HTR1D: variants seen among roughly 807,000 people sequenced by gnomAD.
HTR1D encodes 5-hydroxytryptamine receptor 1D, also known as 5-HT-1D.
A neutral mutation model predicts 21.1 loss-of-function variants in HTR1D; 18 were observed. That is an observed-to-expected ratio of 0.85 (90% CI 0.59 to 1.27). HTR1D has a LOEUF of 1.27. HTR1D is among the 50% of genes most tolerant of loss of function. HTR1D has a pLI of 0.00. For synonymous variants in HTR1D, 196 were observed against 204.4 expected (o/e 0.96, Z 0.35); for missense variants, 456 against 481.4 (o/e 0.95, Z 0.49).
intron 1 of HTR1D, among the ~76,000 whole-genome samples, chr1:23,206,630 T>A (rs1447280141): frequency 6.6e-6 from 1 of 152,130 alleles, no homozygotes; most frequent in Non-Finnish European, 1.5e-5. Flanking sequence ...AAATGTCCTT[T>A]CTTCAGTCCC....
chr1:23,199,908 G>T (rs776808178), intron 1 of HTR1D, among the ~76,000 whole-genome samples: 3 of 152,018 alleles, frequency 2.0e-5, no homozygotes, highest in Non-Finnish European at 4.4e-5. Flanking sequence ...GTTTCACCAT[G>T]TTGGCCAGGC....
chr1:23,212,431 T>G (rs757013620), intron 1 of HTR1D, among the ~76,000 whole-genome samples: 15 of 152,146 alleles, frequency 9.9e-5, no homozygotes, highest in Non-Finnish European at 1.3e-4. Context: ...AAGACCAAGT[T>G]TAACTCTCCC....
intron 1 of HTR1D, among the ~76,000 whole-genome samples, chr1:23,200,917 A>G (rs1644707065): frequency 6.6e-6 from 1 of 151,846 alleles, no homozygotes; most frequent in Non-Finnish European, 1.5e-5. Context: ...CTCGGCCCCC[A>G]CCTCCACCTC....
In HTR1D at chr1:23,193,569, A is replaced by G. The variant is rs753013629; in HGVS notation, c.651T>C (p.Tyr217=). ...TCCGGGCAGCCCGGTAGATCCGGCC[A>G]TATAGGATGATGAGCAACACCGAGG... ...YIPSVLLIIL[Y]GRIYRAARNR... is the part of the protein sequence containing the mutation. The change falls in exon 2 of 2, where the codon TAT becomes TAC. Residue 217 remains tyrosine (Y), a synonymous_variant. Transcript: ENST00000374619. The G allele has an allele frequency of 3.1e-6, 5 of 1,613,952 alleles. No homozygotes were observed. Among genetic ancestry groups the G allele is most frequent in the African/African-American group, 1.3e-5 (1 of 74,936 alleles).
At chr1:23,209,931 C>T (rs1644747589) in intron 1 of HTR1D, among the ~76,000 whole-genome samples, 1 of 152,202 alleles carries the variant, frequency 6.6e-6, no homozygotes, top group African/African-American at 2.4e-5. Flanking sequence ...AGCAGGCCCT[C>T]TCTCTGACAG....
At position 23,194,891 on chromosome 1, in the gene HTR1D, C is replaced by T. The variant is rs1313707960; in HGVS notation, c.-672G>A. Among the ~76,000 whole-genome samples the T allele has an allele frequency of 6.6e-6, 1 of 152,090 alleles. No homozygotes were observed. Among genetic ancestry groups the T allele is most frequent in the Admixed American group, 6.6e-5 (1 of 15,248 alleles). On this transcript the variant is annotated 5_prime_UTR_variant, in exon 2 of 2. Coordinates refer to ENST00000374619, the MANE Select transcript of HTR1D (RefSeq NM_000864.5). ...CCTATCCCACTGATCGTTTTAGAGCCTGAACAGACAAAACATCCTGGTTAC... is the reference window on the plus strand; with the variant it reads ...CCTATCCCACTGATCGTTTTAGAGCTTGAACAGACAAAACATCCTGGTTAC...
rs748947118 is a variant in HTR1D, at chr1:23,193,496, C to A, written c.724G>T (p.Ala242Ser). 2 of 1,613,986 alleles carry A rather than the reference C, an allele frequency of 1.2e-6. No individual in the cohort carries two copies. Among genetic ancestry groups the A allele is most frequent in the Non-Finnish European group, 1.7e-6 (2 of 1,179,916 alleles). The change falls in exon 2 of 2, where the codon GCC (alanine) becomes TCC (serine). Residue 242 changes from alanine (A) to serine (S), a missense_variant. Physicochemically the swap from Ala to Ser is moderately conservative, Grantham distance 99 (BLOSUM62 1). Transcript: ENST00000374619. ...PSLYGKRFTT[A>S]HLITGSAGSS... ...CCGGCAGAGCCTGTGATGAGGTGGG[C>A]CGTGGTGAAGCGCTTCCCATAGAGT...
chr1:23,205,177 G>C (rs1205224816), intron 1 of HTR1D, among the ~76,000 whole-genome samples: 4 of 151,808 alleles, frequency 2.6e-5, no homozygotes, highest in African/African-American at 9.7e-5. Context: ...TCACTGATAT[G>C]TGGGAACTAA....
rs1644658509 is a variant in HTR1D at position 23,191,920 on chromosome 1, T to C, written c.*1166A>G. The stretch of plus-strand genomic sequence containing the variant: ...TGGCCATGATGTCTCATGCTTTTTA[T>C]TTGATAAGACTCAACATCTCTAATG... On this transcript the variant is annotated 3_prime_UTR_variant, in exon 2 of 2. Transcript: ENST00000374619. 1 of 152,036 alleles carries C rather than the reference T, an allele frequency of 6.6e-6. No homozygotes were observed. The highest frequency in any genetic ancestry group is 6.6e-5 in the Admixed American group (1 of 15,244). The allele number at this position is 152,036 out of a possible 1,614,324, so 9.4% of individuals were successfully genotyped here.
Position 23,194,325 on chromosome 1 carries a change from G to T in HTR1D, c.-106C>A. 1 of 1,000,652 alleles carries T rather than the reference G, an allele frequency of 1.0e-6. No individual in the cohort carries two copies. Among genetic ancestry groups the T allele is most frequent in the Non-Finnish European group, 1.5e-6 (1 of 662,310 alleles). 62.0% of individuals were successfully genotyped at this position (1,000,652 alleles called of 1,614,324 possible). On this transcript the variant is annotated 5_prime_UTR_variant, in exon 2 of 2. Coordinates refer to ENST00000374619, the MANE Select transcript of HTR1D (RefSeq NM_000864.5). Reference sequence around the variant, plus strand: ...ATCCTTCTGCTTCACACTGGTGGGAGCCGTACACCAGAACAGACCACAGTG... The same window carrying T: ...ATCCTTCTGCTTCACACTGGTGGGATCCGTACACCAGAACAGACCACAGTG...
At position 23,197,720 on chromosome 1, in the gene HTR1D, T is replaced by TA. The variant is rs772773332; in HGVS notation, c.-782-2720dup. Among the ~76,000 whole-genome samples the TA allele has an allele frequency of 9.3e-3, 1,060 of 114,190 alleles. 14 individuals are homozygous for TA. Among genetic ancestry groups the TA allele is most frequent in the African/African-American group, 0.026 (807 of 30,518 alleles). 74.9% of individuals were successfully genotyped at this position (114,190 alleles called of 152,430 possible). On this transcript the variant is annotated intron_variant, in intron 1 of 1. Coordinates refer to ENST00000374619, the MANE Select transcript of HTR1D (RefSeq NM_000864.5). ...CTGGGCGACAGAGCAAGACTCTACC[T>TA]AAAAAAAAAAAAAAAAAATTAAAAT...
At chr1:23,206,111 G>A (rs192185602) in intron 1 of HTR1D, among the ~76,000 whole-genome samples, 287 of 149,956 alleles carry the variant, frequency 1.9e-3, no homozygotes, top group African/African-American at 6.4e-3. Flanking sequence ...GTGCGATCTC[G>A]GCTCACTGCA....
chr1:23,192,383 T>C lies in HTR1D; in HGVS notation c.*703A>G, dbSNP rs1232214927. The C allele has an allele frequency of 6.6e-6, 1 of 152,634 alleles. No homozygotes were observed. Among genetic ancestry groups the C allele is most frequent in the Non-Finnish European group, 1.5e-5 (1 of 68,046 alleles). 9.5% of individuals were successfully genotyped at this position (152,634 alleles called of 1,614,324 possible). On this transcript the variant is annotated 3_prime_UTR_variant, in exon 2 of 2. Transcript: ENST00000374619. ...CAAATTCTCTTTCAATTCAGGTCAT[T>C]AATCTTATTCACCCTCCTTTAAGCT... is the stretch of plus-strand genomic sequence containing the variant.
chr1:23,195,544 T>C (rs1644685553), intron 1 of HTR1D, among the ~76,000 whole-genome samples: 1 of 152,134 alleles, frequency 6.6e-6, no homozygotes, highest in Non-Finnish European at 1.5e-5. Context: ...GTTCAAGCGA[T>C]TGTCCTGCCT....
intron 1 of HTR1D, among the ~76,000 whole-genome samples, chr1:23,196,280 A>C (rs1281081523): frequency 6.6e-6 from 1 of 152,074 alleles, no homozygotes; most frequent in East Asian, 1.9e-4. Context: ...CCCCGTCTCT[A>C]CTAAAAAAAC....
intron 1 of HTR1D, among the ~76,000 whole-genome samples, chr1:23,211,275 C>T (rs2148243985): frequency 6.6e-6 from 1 of 152,310 alleles, no homozygotes; most frequent in Non-Finnish European, 1.5e-5. Context: ...GATGTGGACT[C>T]TCCTCTTAGG....
At chr1:23,196,682 G>A (rs1216862483) in intron 1 of HTR1D, among the ~76,000 whole-genome samples, 1 of 152,064 alleles carries the variant, frequency 6.6e-6, no homozygotes, top group African/African-American at 2.4e-5. Context: ...GCTAGCTTTG[G>A]GGCTAAGAGT....
chr1:23,210,649 C>G (rs963974649), intron 1 of HTR1D, among the ~76,000 whole-genome samples: 1 of 152,028 alleles, frequency 6.6e-6, no homozygotes, highest in African/African-American at 2.4e-5. Context: ...CTCCTGCTTG[C>G]AACAGGAATT....
chr1:23,206,650 T>C (rs563643585), intron 1 of HTR1D, among the ~76,000 whole-genome samples: 1 of 152,122 alleles, frequency 6.6e-6, no homozygotes, highest in South Asian at 2.1e-4. Context: ...CCTGGCTACC[T>C]AATTCCAAGT....
Sources: gnomAD v4.1 joint callset for allele counts (sites outside exome capture counted in the v4.1 genomes callset) on GRCh38, gnomAD v4.1.1 for gene constraint, MANE v1.5 for transcripts, NCBI Gene and HGNC (gene_info 2026-07-23, HGNC 2026-07-21) for gene names.